Variants in KCNS2 observed in about 807,000 individuals in gnomAD.
KCNS2 encodes potassium voltage-gated channel modifier subfamily S member 2.
Under a neutral mutation model 28.3 loss-of-function variants are expected in KCNS2, and 15 were observed. That is an observed-to-expected ratio of 0.53 (90% CI 0.35 to 0.82). KCNS2 has a LOEUF of 0.82. KCNS2 is among the 40% of genes least tolerant of loss of function. KCNS2 has a pLI of 0.01. For missense variants in KCNS2, 501 were observed against 617.1 expected, an observed-to-expected ratio of 0.81 and a Z score of 1.99; for synonymous variants, 254 against 256.7, an observed-to-expected ratio of 0.99 and a Z score of 0.10.
chr8:98,429,647 C>T lies in KCNS2; in HGVS notation c.*234C>T, dbSNP rs1563600586. ...ATGAAATGACACTCACTGGTCTTTG[C>T]ATCGTGGGCATAAAATGTTCACCTT... is the stretch of plus-strand genomic sequence containing the variant. On this transcript the variant is annotated 3_prime_UTR_variant, in exon 2 of 2. Transcript: ENST00000287042. The T allele has an allele frequency of 2.0e-6, 1 of 504,984 alleles. No individual in the cohort carries two copies. 31.3% of individuals were successfully genotyped at this position (504,984 alleles called of 1,614,324 possible).
rs1298481405 is a variant in KCNS2 at position 98,429,150 on chromosome 8, G to A, written c.1171G>A (p.Ala391Thr). 1 of 1,613,514 alleles carries A rather than the reference G, an allele frequency of 6.2e-7. No individual in the cohort carries two copies. The highest frequency in any genetic ancestry group is 8.5e-7 in the Non-Finnish European group (1 of 1,179,620). The change falls in exon 2 of 2, where the codon GCC becomes ACC. Residue 391 changes from alanine (A) to threonine (T), a missense_variant. Physicochemically the swap from Ala to Thr is moderately conservative, Grantham distance 58. Coordinates refer to ENST00000287042, the MANE Select transcript of KCNS2 (RefSeq NM_020697.4). ...AGGGACCACGGCAGGAAAGCTGACT[G>A]CCTCTGCCTGCATCTTGGCAGGCAT... ...VPGTTAGKLT[A>T]SACILAGILV...
chr8:98,428,054 C>G lies in KCNS2; in HGVS notation c.75C>G (p.Gly25=). 6.2e-7 allele frequency: 1 copy of G among 1,612,574 alleles called. No individual in the cohort carries two copies. Among genetic ancestry groups the G allele is most frequent in the South Asian group, 1.1e-5 (1 of 90,936 alleles). ...EDGEIRINVG[G]FKRRLRSHTL... is the part of the protein sequence containing the mutation. ...GGGAGATCCGCATCAATGTGGGCGG[C>G]TTCAAGAGGAGGCTGCGCTCGCACA... The change falls in exon 2 of 2, where the codon GGC becomes GGG. Residue 25 remains glycine (G), a synonymous_variant. Transcript: ENST00000287042. The surrounding 1 kb of genome is among the most constrained non-coding windows in gnomAD (Gnocchi z 6.7).
Position 98,428,952 on chromosome 8 carries a change from AG to A in KCNS2, c.974del (p.Ser325ThrfsTer5). 6.2e-7 allele frequency: 1 copy of A among 1,614,098 alleles called. No individual in the cohort carries two copies. Among genetic ancestry groups the A allele is most frequent in the Non-Finnish European group, 8.5e-7 (1 of 1,180,000 alleles). Reference sequence around the variant, plus strand: ...CTCCCTGGGGGCCACTTTGAAATACAGCTACAAAGAAGTAGGGCTGCTCTTG... The same window carrying A: ...CTCCCTGGGGGCCACTTTGAAATACACTACAAAGAAGTAGGGCTGCTCTTG... ...LRSLGATLKY[S>X]YKEVGLLLLY... On this transcript the variant is annotated frameshift_variant, in exon 2 of 2. Transcript: ENST00000287042. LOFTEE classifies it high-confidence loss of function. This position sits in a 1 kb window ranked among gnomAD's most constrained non-coding sequence, Gnocchi z 6.7.
In KCNS2 at chr8:98,429,302, G is replaced by T; in HGVS notation, c.1323G>T (p.Ser441=). The stretch of plus-strand genomic sequence containing the variant: ...GAGATGGAATGAAGGAGGTCCCTTC[G>T]GTCAATTTAAGGGACTATTATGCCC... ...DFGDGMKEVP[S]VNLRDYYAHK... The change falls in exon 2 of 2, where the codon TCG becomes TCT. Residue 441 remains serine, a synonymous_variant. Coordinates refer to ENST00000287042, the MANE Select transcript of KCNS2 (RefSeq NM_020697.4). 6 of 1,614,006 alleles carry T rather than the reference G, an allele frequency of 3.7e-6. No individual in the cohort carries two copies. The highest frequency in any genetic ancestry group is 5.1e-6 in the Non-Finnish European group (6 of 1,179,928).
intron 1 of KCNS2, chr8:98,427,589 T>A (rs1818255961): frequency 7.2e-6 from 1 of 138,094 alleles, no homozygotes; most frequent in African/African-American, 2.7e-5. Flanking sequence ...TGCCCGTGCG[T>A]ATCTCAGCTC....
rs1818299528 is a variant in KCNS2, at chr8:98,429,600, C to T, written c.*187C>T. On this transcript the variant is annotated 3_prime_UTR_variant, in exon 2 of 2. Coordinates refer to ENST00000287042, the MANE Select transcript of KCNS2 (RefSeq NM_020697.4). The stretch of plus-strand genomic sequence containing the variant: ...CGTTTTTAGAGGGTGGTGTGTCTGA[C>T]ACCATGCCTTTGCACCTTTCCATGA... 3 of 576,484 alleles carry T rather than the reference C, an allele frequency of 5.2e-6. No individual in the cohort carries two copies. Among genetic ancestry groups the T allele is most frequent in the East Asian group, 2.8e-5 (1 of 35,480 alleles). 35.7% of individuals were successfully genotyped at this position (576,484 alleles called of 1,614,324 possible).
rs1818356069 is a variant in KCNS2, at chr8:98,432,819, A to G, written c.*3406A>G. 6.0e-6 allele frequency: 1 copy of G among 166,862 alleles called. No individual in the cohort carries two copies. Among genetic ancestry groups the G allele is most frequent in the Non-Finnish European group, 1.5e-5 (1 of 68,128 alleles). The allele number at this position is 166,862 out of a possible 1,614,324, so 10.3% of individuals were successfully genotyped here. On this transcript the variant is annotated 3_prime_UTR_variant, in exon 2 of 2. Coordinates refer to ENST00000287042, the MANE Select transcript of KCNS2 (RefSeq NM_020697.4). ...CAGTTTTAACACTCATTAACACACT[A>G]CTGTGCAAGCATTGACACAGGCTGC...
At chr8:98,427,418 C>T (rs1345802735) in intron 1 of KCNS2, 89 bp downstream of exon 1, 1 of 152,126 alleles carries the variant, frequency 6.6e-6, no homozygotes, top group African/African-American at 2.4e-5. Context: ...AGCGCCAGGC[C>T]GGCAGGGAGA....
chr8:98,429,458 C>T lies in KCNS2; in HGVS notation c.*45C>T. 1 of 1,413,734 alleles carries T rather than the reference C, an allele frequency of 7.1e-7. No homozygotes were observed. The highest frequency in any genetic ancestry group is 9.9e-7 in the Non-Finnish European group (1 of 1,014,574). The allele number at this position is 1,413,734 out of a possible 1,614,324, so 87.6% of individuals were successfully genotyped here. Reference sequence around the variant, plus strand: ...TCCACCCCACATTGCTGAGCTGCCTCTTGTGCCTCTGGCACAGCCCAGGCA... The same window carrying T: ...TCCACCCCACATTGCTGAGCTGCCTTTTGTGCCTCTGGCACAGCCCAGGCA... On this transcript the variant is annotated 3_prime_UTR_variant, in exon 2 of 2. Transcript: ENST00000287042.
chr8:98,427,198 C>A lies in KCNS2; in HGVS notation c.-174C>A. 1 of 149,694 alleles carries A rather than the reference C, an allele frequency of 6.7e-6. No individual in the cohort carries two copies. Among genetic ancestry groups the A allele is most frequent in the East Asian group, 2.0e-4 (1 of 5,100 alleles). 9.3% of individuals were successfully genotyped at this position (149,694 alleles called of 1,614,324 possible). The stretch of plus-strand genomic sequence containing the variant: ...GAGGAGACGCTCGGCGGCCCCCGCC[C>A]GCCGGCCCGCCGGGCGCACACACTC... On this transcript the variant is annotated 5_prime_UTR_variant, in exon 1 of 2. Transcript: ENST00000287042.
At position 98,428,874 on chromosome 8, in the gene KCNS2, C is replaced by T. The variant is rs1370438409; in HGVS notation, c.895C>T (p.Leu299=). ...GGGCAGGGTGGCCCAGGTCCTGAGG[C>T]TGATGCGGATCTTCCGCATCTTAAA... ...NLGRVAQVLR[L]MRIFRILKLA... The change falls in exon 2 of 2, where the codon CTG becomes TTG. Residue 299 remains leucine, a synonymous_variant. Coordinates refer to ENST00000287042, the MANE Select transcript of KCNS2 (RefSeq NM_020697.4). This position sits in a 1 kb window ranked among gnomAD's most constrained non-coding sequence, Gnocchi z 6.7. 1 of 1,614,210 alleles carries T rather than the reference C, an allele frequency of 6.2e-7. No individual in the cohort carries two copies. Among genetic ancestry groups the T allele is most frequent in the Non-Finnish European group, 8.5e-7 (1 of 1,180,036 alleles).
At position 98,428,586 on chromosome 8, in the gene KCNS2, A is replaced by G; in HGVS notation, c.607A>G (p.Thr203Ala). The G allele has an allele frequency of 6.2e-7, 1 of 1,614,098 alleles. No individual in the cohort carries two copies. Among genetic ancestry groups the G allele is most frequent in the Non-Finnish European group, 8.5e-7 (1 of 1,180,020 alleles). The change falls in exon 2 of 2, where the codon ACC (threonine) becomes GCC (alanine). Residue 203 changes from threonine to alanine, a missense_variant. Transcript: ENST00000287042. The surrounding 1 kb of genome is among the most constrained non-coding windows in gnomAD (Gnocchi z 6.7). Reference protein sequence around the residue: ...SILVVMGSIITMCLNSLPDFQ... With the variant: ...SILVVMGSIIAMCLNSLPDFQ... ...CCTGGTGGTGATGGGGTCCATCATC[A>G]CCATGTGCCTCAATAGCCTGCCCGA...
At position 98,429,121 on chromosome 8, in the gene KCNS2, T is replaced by A; in HGVS notation, c.1142T>A (p.Val381Asp). The change falls in exon 2 of 2, where the codon GTC becomes GAC. Residue 381 changes from valine to aspartate, a missense_variant. Val to Asp is a radical substitution (Grantham distance 152). Coordinates refer to ENST00000287042, the MANE Select transcript of KCNS2 (RefSeq NM_020697.4). ...SMTTVGYGDV[V>D]PGTTAGKLTA... ...ACCACAGTGGGGTACGGGGATGTGG[T>A]CCCAGGGACCACGGCAGGAAAGCTG... 1 of 1,613,372 alleles carries A rather than the reference T, an allele frequency of 6.2e-7. No individual in the cohort carries two copies. Among genetic ancestry groups the A allele is most frequent in the Non-Finnish European group, 8.5e-7 (1 of 1,179,446 alleles).
In KCNS2 at chr8:98,428,641, C is replaced by T; in HGVS notation, c.662C>T (p.Pro221Leu). The T allele has an allele frequency of 6.2e-7, 1 of 1,614,194 alleles. No individual in the cohort carries two copies. Reference sequence around the variant, plus strand: ...CAAATCCCTGACAGCCAGGGCAACCCTGGCGAGGACCCTAGGTTCGAAATC... The same window carrying T: ...CAAATCCCTGACAGCCAGGGCAACCTTGGCGAGGACCCTAGGTTCGAAATC... ...DFQIPDSQGN[P>L]GEDPRFEIVE... Residue 221 changes from proline to leucine, a missense_variant, in exon 2 of 2, where the codon CCT (proline) becomes CTT (leucine). Transcript: ENST00000287042. The surrounding 1 kb of genome is among the most constrained non-coding windows in gnomAD (Gnocchi z 6.7).
chr8:98,431,062 G>A lies in KCNS2; in HGVS notation c.*1649G>A, dbSNP rs900041155. On this transcript the variant is annotated 3_prime_UTR_variant, in exon 2 of 2. Transcript: ENST00000287042. ...TTTGAAAAGGCAATAGAACCCAGGG[G>A]TCTGAGCATGGAGCTATCCAGGGTT... The A allele has an allele frequency of 1.2e-5, 2 of 167,106 alleles. No individual in the cohort carries two copies. The highest frequency in any genetic ancestry group is 4.8e-5 in the African/African-American group (2 of 41,448). 10.4% of individuals were successfully genotyped at this position (167,106 alleles called of 1,614,324 possible). A position where few individuals can be genotyped will look rare whatever the true frequency, so the allele number is the denominator to read the frequency against.
At chr8:98,427,851 G>A in intron 1 of KCNS2, 87 bp from the exon 2 acceptor site, 1 of 722,874 alleles carries the variant, frequency 1.4e-6, no homozygotes, top group Non-Finnish European at 2.2e-6. Flanking sequence ...CCCACCAGGA[G>A]GCCTGGGCCC....
chr8:98,429,074 G>C lies in KCNS2; in HGVS notation c.1095G>C (p.Trp365Cys). The C allele has an allele frequency of 1.2e-6, 2 of 1,613,240 alleles. No individual in the cohort carries two copies. The highest frequency in any genetic ancestry group is 8.5e-7 in the Non-Finnish European group (1 of 1,179,302). Reference protein sequence around the residue: ...NEGLATIPACWWWATVSMTTV... With the variant: ...NEGLATIPACCWWATVSMTTV... ...GCCTGGCCACCATCCCTGCCTGCTG[G>C]TGGTGGGCTACCGTCAGTATGACCA... Residue 365 changes from tryptophan to cysteine, a missense_variant, in exon 2 of 2, where the codon TGG becomes TGC. By Grantham distance (215) the Trp-to-Cys change is radical (BLOSUM62 -2). Transcript: ENST00000287042.
Position 98,429,307 on chromosome 8 carries a change from A to G in KCNS2, c.1328A>G (p.Asn443Ser), listed in dbSNP as rs753452243. 6.2e-7 allele frequency: 1 copy of G among 1,614,158 alleles called. No homozygotes were observed. The highest frequency in any genetic ancestry group is 8.5e-7 in the Non-Finnish European group (1 of 1,180,022). The change falls in exon 2 of 2, where the codon AAT becomes AGT. Residue 443 changes from asparagine to serine, a missense_variant. By Grantham distance (46) the Asn-to-Ser change is conservative. Transcript: ENST00000287042. ...GDGMKEVPSV[N>S]LRDYYAHKVK... ...GGAATGAAGGAGGTCCCTTCGGTCA[A>G]TTTAAGGGACTATTATGCCCATAAA...
At position 98,431,999 on chromosome 8, in the gene KCNS2, C is replaced by G. The variant is rs1818341305; in HGVS notation, c.*2586C>G. The G allele has an allele frequency of 6.0e-6, 1 of 167,074 alleles. No individual in the cohort carries two copies. Among genetic ancestry groups the G allele is most frequent in the Non-Finnish European group, 1.5e-5 (1 of 68,106 alleles). The allele number at this position is 167,074 out of a possible 1,614,324, so 10.3% of individuals were successfully genotyped here. A position where few individuals can be genotyped will look rare whatever the true frequency, so the allele number is the denominator to read the frequency against. The stretch of plus-strand genomic sequence containing the variant: ...AACCCGGCTGGCTTAAACCCTGGAG[C>G]TAATTCCCACAAGGAATGTAGACTG... On this transcript the variant is annotated 3_prime_UTR_variant, in exon 2 of 2. Transcript: ENST00000287042.
Sources: gnomAD v4.1 joint callset for allele counts on GRCh38, gnomAD v4.1.1 for gene constraint, Gnocchi (gnomAD v3.1) non-coding constraint, MANE v1.5 for transcripts, NCBI Gene and HGNC (gene_info 2026-07-23, HGNC 2026-07-21) for gene names.